Variants in SRGAP2 observed in about 807,000 individuals in gnomAD.
The protein encoded by SRGAP2 is SLIT-ROBO Rho GTPase-activating protein 2.
In SRGAP2, 15 loss-of-function variants were observed where a neutral mutation model predicts 57.2. That is an observed-to-expected ratio of 0.26 (90% CI 0.18 to 0.40). The LOEUF (loss-of-function observed/expected upper bound fraction) is 0.40, where lower values mean the gene tolerates loss of function less well. SRGAP2 is among the 10% of genes least tolerant of loss of function. SRGAP2 has a pLI of 1.00. For synonymous variants in SRGAP2, 249 were observed against 248.0 expected (o/e 1.00, Z -0.04); for missense variants, 520 against 669.6 (o/e 0.78, Z 2.47).
intron 2 of SRGAP2, among the ~76,000 whole-genome samples, chr1:206,273,144 T>C (rs1670224690): frequency 6.6e-6 from 1 of 152,178 alleles, no homozygotes; most frequent in Non-Finnish European, 1.5e-5. Flanking sequence ...GGCACACAGA[T>C]GGTTGGAAGT....
intron 17 of SRGAP2, among the ~76,000 whole-genome samples, chr1:206,444,660 T>C (rs1339654433): frequency 6.6e-6 from 1 of 152,236 alleles, no homozygotes; most frequent in African/African-American, 2.4e-5. Context: ...ATTATCCTCC[T>C]GTCCCTCCCC....
chr1:206,243,562 A>G (rs1668368727), intron 2 of SRGAP2, among the ~76,000 whole-genome samples: 1 of 152,182 alleles, frequency 6.6e-6, no homozygotes, highest in Non-Finnish European at 1.5e-5. Context: ...GACAGTTGCT[A>G]GTGTCCTTCA....
chr1:206,239,632 A>G (rs1553308702), intron 2 of SRGAP2, among the ~76,000 whole-genome samples: 3 of 143,840 alleles, frequency 2.1e-5, no homozygotes, highest in African/African-American at 7.9e-5. Context: ...TGATTTTTAT[A>G]TTTTTAGTAG....
intron 2 of SRGAP2, among the ~76,000 whole-genome samples, chr1:206,256,947 A>G (rs1669221698): frequency 7.1e-6 from 1 of 140,926 alleles, no homozygotes; most frequent in Non-Finnish European, 1.5e-5. Flanking sequence ...CATTCATGGA[A>G]CACCAACAAT....
intron 13 of SRGAP2, 22 bp from the exon 14 acceptor site, chr1:206,430,140 G>T (rs1553367840): frequency 1.3e-6 from 1 of 780,612 alleles, no homozygotes; most frequent in Non-Finnish European, 2.4e-6. Flanking sequence ...TTCTAATGTT[G>T]TGTTTCCCTT....
intron 10 of SRGAP2, among the ~76,000 whole-genome samples, chr1:206,415,319 C>G (rs546208705): frequency 3.3e-5 from 5 of 152,190 alleles, no homozygotes; most frequent in Non-Finnish European, 5.9e-5. Flanking sequence ...GGATGTCAGC[C>G]CCTTCCGCTG....
chr1:206,437,806 T>C, intron 15 of SRGAP2, 158 bp from the exon 16 acceptor site: 1 of 629,472 alleles, frequency 1.6e-6, no homozygotes, highest in Non-Finnish European at 2.9e-6. Context: ...CTTTGCTTTA[T>C]CTGTTCCCTG....
intron 7 of SRGAP2, among the ~76,000 whole-genome samples, chr1:206,395,960 G>A (rs1429760198): frequency 6.7e-6 from 1 of 148,184 alleles, no homozygotes; most frequent in East Asian, 2.0e-4. Context: ...AGGCTACATA[G>A]GTAGTAATAA....
At chr1:206,210,830 C>T (rs1374536007) in intron 2 of SRGAP2, among the ~76,000 whole-genome samples, 1 of 150,510 alleles carries the variant, frequency 6.6e-6, no homozygotes, top group Admixed American at 6.6e-5. Context: ...AGTTGGAATC[C>T]TCAAGCAGAT....
chr1:206,432,694 A>G (rs1661379815), intron 14 of SRGAP2, among the ~76,000 whole-genome samples: 1 of 152,256 alleles, frequency 6.6e-6, no homozygotes. Context: ...AGAATACTAC[A>G]GATGCTCCTC....
intron 13 of SRGAP2, among the ~76,000 whole-genome samples, chr1:206,424,220 C>A (rs998110059): frequency 6.6e-6 from 1 of 151,974 alleles, no homozygotes; most frequent in Admixed American, 6.6e-5. Flanking sequence ...AGAATTTGGC[C>A]TGATTCCTTA....
chr1:206,374,019 CTTTTTTTTTTTT>C (rs56021600), intron 4 of SRGAP2, among the ~76,000 whole-genome samples: 2 of 77,012 alleles, frequency 2.6e-5, no homozygotes, highest in African/African-American at 5.6e-5. Context: ...GATACACATT[CTTTTTTTTTTTT>C]TTTTTTTTTT....
At chr1:206,339,275 C>T (rs1475543117) in intron 3 of SRGAP2, among the ~76,000 whole-genome samples, 5 of 152,108 alleles carry the variant, frequency 3.3e-5, no homozygotes, top group Admixed American at 6.5e-5. Context: ...CGCTACCCAA[C>T]CACGGTCTAA....
chr1:206,230,933 G>C (rs2102515570), intron 2 of SRGAP2, among the ~76,000 whole-genome samples: 1 of 145,460 alleles, frequency 6.9e-6, no homozygotes, highest in African/African-American at 2.8e-5. Flanking sequence ...GCCCAGAATG[G>C]TATTCTTAAC....
Position 206,430,146 on chromosome 1 carries a change from C to T in SRGAP2, c.1495-16C>T, listed in dbSNP as rs782271727. ...GTTTGAATATTCTAATGTTGTGTTT[C>T]CCTTTGGCTTTTCAGGACTCCAGCC... On this transcript the variant is annotated splice_polypyrimidine_tract_variant and intron_variant, in intron 13 of 22. Transcript: ENST00000573034. 5.1e-6 allele frequency: 4 copies of T among 780,624 alleles called. No homozygotes were observed. Among genetic ancestry groups the T allele is most frequent in the Admixed American group, 1.7e-5 (1 of 59,022 alleles). 48.4% of individuals were successfully genotyped at this position (780,624 alleles called of 1,614,324 possible). A position where few individuals can be genotyped will look rare whatever the true frequency, so the allele number is the denominator to read the frequency against.
At chr1:206,368,826 G>A (rs1165377351) in intron 4 of SRGAP2, among the ~76,000 whole-genome samples, 1 of 151,908 alleles carries the variant, frequency 6.6e-6, no homozygotes, top group Non-Finnish European at 1.5e-5. Context: ...AATTCCCCAG[G>A]CTTTGAGACA....
chr1:206,244,919 T>C (rs1319924789), intron 2 of SRGAP2, among the ~76,000 whole-genome samples: 2 of 151,096 alleles, frequency 1.3e-5, no homozygotes, highest in East Asian at 3.9e-4. Flanking sequence ...AAATACTGGC[T>C]GTAGACTTGA....
At chr1:206,318,737 CG>C (rs1673234327) in intron 3 of SRGAP2, among the ~76,000 whole-genome samples, 1 of 152,066 alleles carries the variant, frequency 6.6e-6, no homozygotes, top group Admixed American at 6.5e-5. Context: ...GAGTGAGAGT[CG>C]GGGGAGGTCC....
rs1553380664 is a variant in SRGAP2, at chr1:206,461,315, A to C, written c.3111A>C (p.Pro1037=). 3.8e-6 allele frequency: 3 copies of C among 780,972 alleles called. No homozygotes were observed. In the South Asian group the frequency reaches 4.0e-5, roughly 10 times the overall value. 48.4% of individuals were successfully genotyped at this position (780,972 alleles called of 1,614,324 possible). A position where few individuals can be genotyped will look rare whatever the true frequency, so the allele number is the denominator to read the frequency against. ...SVKMAAPVKP[P]ATRPKPTVFP... is the part of the protein sequence containing the mutation. ...AGATGGCTGCCCCGGTCAAACCACCAGCCACACGGCCCAAGCCCACTGTCT... is the reference window on the plus strand; with the variant it reads ...AGATGGCTGCCCCGGTCAAACCACCCGCCACACGGCCCAAGCCCACTGTCT... The change falls in exon 23 of 23, where the codon CCA becomes CCC. Residue 1037 remains proline, a synonymous_variant. Coordinates refer to ENST00000573034, the MANE Select transcript of SRGAP2 (RefSeq NM_015326.5).
Sources: gnomAD v4.1 joint callset for allele counts (sites outside exome capture counted in the v4.1 genomes callset) on GRCh38, gnomAD v4.1.1 for gene constraint, MANE v1.5 for transcripts, NCBI Gene and HGNC (gene_info 2026-07-23, HGNC 2026-07-21) for gene names.